Variants in MBTD1 observed in about 807,000 individuals in gnomAD.
The protein encoded by MBTD1 is mbt domain containing 1, also known as MBT domain-containing protein 1.
A neutral mutation model predicts 87.8 loss-of-function variants in MBTD1; 24 were observed. That is an observed-to-expected ratio of 0.27 (90% CI 0.20 to 0.38). MBTD1 has a LOEUF of 0.38. Among genes scored for constraint, MBTD1 ranks in the 10% least tolerant of loss-of-function variants. MBTD1 has a pLI of 1.00. For missense variants in MBTD1, 436 were observed against 760.2 expected, an observed-to-expected ratio of 0.57 and a Z score of 5.02; for synonymous variants, 237 against 248.6, an observed-to-expected ratio of 0.95 and a Z score of 0.44.
intron 2 of MBTD1, among the ~76,000 whole-genome samples, chr17:51,243,038 G>A (rs2054241768): frequency 2.0e-5 from 3 of 152,138 alleles, no homozygotes; most frequent in African/African-American, 7.2e-5. Flanking sequence ...GCGAACTTAT[G>A]TATCTGTGTG....
intron 2 of MBTD1, among the ~76,000 whole-genome samples, chr17:51,253,855 T>C (rs538487085): frequency 7.5e-4 from 114 of 152,294 alleles, no homozygotes; most frequent in Non-Finnish European, 1.3e-3. Context: ...ATTAACTTAT[T>C]GGTATAACCA....
At chr17:51,195,175 C>G in intron 13 of MBTD1, 39 bp downstream of exon 13, 1 of 1,576,034 alleles carries the variant, frequency 6.3e-7, no homozygotes, top group Non-Finnish European at 8.6e-7. Context: ...AAGAAGAAAG[C>G]AACAATTAAA....
At chr17:51,238,382 G>A (rs557492895) in intron 2 of MBTD1, among the ~76,000 whole-genome samples, 27 of 152,254 alleles carry the variant, frequency 1.8e-4, no homozygotes, top group African/African-American at 6.0e-4. Context: ...TAGAAGATAT[G>A]TTTCATTATA....
rs1172620920 is a variant in MBTD1 at position 51,179,480 on chromosome 17, A to C, written c.*1096T>G. 1.2e-5 allele frequency: 1 copy of C among 83,854 alleles called. No homozygotes were observed. The highest frequency in any genetic ancestry group is 1.4e-4 in the Admixed American group (1 of 7,136). 5.2% of individuals were successfully genotyped at this position (83,854 alleles called of 1,614,324 possible). ...ATAAATCCTGAATACAATTAAAGAC[A>C]ATTTTATATATATATATATATATAT... On this transcript the variant is annotated 3_prime_UTR_variant, in exon 17 of 17. Coordinates refer to ENST00000586178, the MANE Select transcript of MBTD1 (RefSeq NM_017643.3).
upstream of MBTD1, chr17:51,260,547 T>C (rs572245450): frequency 1.3e-6 from 2 of 1,584,386 alleles, no homozygotes; most frequent in Admixed American, 1.8e-5. Context: ...CGCAGCGAGG[T>C]TCCACGTGAG....
At chr17:51,259,798 C>A in intron 1 of MBTD1, 37 bp downstream of exon 1, 1 of 1,232,756 alleles carries the variant, frequency 8.1e-7, no homozygotes, top group Non-Finnish European at 1.0e-6. Flanking sequence ...GTCCCCCCCA[C>A]CTGGCACACA....
rs751278751 is a variant in MBTD1 at position 51,202,011 on chromosome 17, A to G, written c.1119+11T>C. The stretch of plus-strand genomic sequence containing the variant: ...AATTTACAAATGAGGGTTCTTATAA[A>G]AACTTCTTACCTTAGCAAATAAATG... On this transcript the variant is annotated intron_variant, in intron 11 of 16. Coordinates refer to ENST00000586178, the MANE Select transcript of MBTD1 (RefSeq NM_017643.3). 4 of 1,590,506 alleles carry G rather than the reference A, an allele frequency of 2.5e-6. No homozygotes were observed. The African/African-American group carries it at 5.4e-5, about 21-fold the overall frequency.
upstream of MBTD1, chr17:51,260,454 G>A (rs2055409137): frequency 3.0e-6 from 3 of 987,032 alleles, no homozygotes; most frequent in Non-Finnish European, 4.4e-6. Context: ...AGGGAGTGCT[G>A]GTCACGTGGC....
intron 2 of MBTD1, among the ~76,000 whole-genome samples, chr17:51,257,031 C>T (rs1368180472): frequency 6.6e-6 from 1 of 152,054 alleles, no homozygotes; most frequent in Non-Finnish European, 1.5e-5. Context: ...AAGAGAAATC[C>T]TAAATTTGCA....
At chr17:51,196,587 T>A (rs976645633) in intron 12 of MBTD1, among the ~76,000 whole-genome samples, 2 of 151,972 alleles carry the variant, frequency 1.3e-5, no homozygotes, top group African/African-American at 4.8e-5. Flanking sequence ...GTTTCCCAAT[T>A]TCCACTATAT....
chr17:51,233,060 CAAAAA>C (rs11457634), intron 2 of MBTD1, among the ~76,000 whole-genome samples: 2 of 40,494 alleles, frequency 4.9e-5, no homozygotes, highest in African/African-American at 9.8e-5. Context: ...CTTCCCTCAC[CAAAAA>C]AAAAAAAAAA....
chr17:51,188,256 G>C (rs1458661714), intron 16 of MBTD1, among the ~76,000 whole-genome samples: 1 of 152,184 alleles, frequency 6.6e-6, no homozygotes, highest in East Asian at 1.9e-4. Context: ...AAGGAAAAGA[G>C]GCTTTTGAGA....
chr17:51,217,657 G>A (rs985819763), intron 5 of MBTD1, among the ~76,000 whole-genome samples: 6 of 152,166 alleles, frequency 3.9e-5, no homozygotes, highest in Non-Finnish European at 7.3e-5. Context: ...CACCTAGGCT[G>A]GAGTGCAGTG....
intron 2 of MBTD1, chr17:51,256,437 C>T (rs2055093415): frequency 1.3e-5 from 2 of 152,164 alleles, no homozygotes; most frequent in Non-Finnish European, 2.9e-5. Context: ...TGGAGTGTTT[C>T]CCTAACCAAC....
intron 16 of MBTD1, among the ~76,000 whole-genome samples, chr17:51,191,311 G>C (rs944298864): frequency 7.0e-6 from 1 of 142,314 alleles, no homozygotes. Context: ...GCCCAGGCTA[G>C]AGTGCAATGG....
intron 11 of MBTD1, 141 bp downstream of exon 11, chr17:51,201,881 G>T: frequency 1.4e-6 from 1 of 705,654 alleles, no homozygotes; most frequent in Non-Finnish European, 2.4e-6. Context: ...ATAATAAAGA[G>T]TTGTGACACC....
chr17:51,246,918 G>C (rs549133726), intron 2 of MBTD1, among the ~76,000 whole-genome samples: 30 of 152,194 alleles, frequency 2.0e-4, no homozygotes, highest in Admixed American at 5.9e-4. Flanking sequence ...GGGATTACAG[G>C]TGTGAGTCAC....
intron 15 of MBTD1, 174 bp from the exon 16 acceptor site, chr17:51,192,454 A>G (rs1166729535): frequency 1.1e-5 from 7 of 625,932 alleles, no homozygotes; most frequent in Non-Finnish European, 2.7e-6. Context: ...AACATGAGAC[A>G]TTTTCCACTA....
chr17:51,187,866 G>GAAAAAAAAAAAA (rs71149350), intron 16 of MBTD1, among the ~76,000 whole-genome samples: 3 of 118,150 alleles, frequency 2.5e-5, no homozygotes, highest in Non-Finnish European at 3.5e-5. Context: ...AAGAAAGAAA[G>GAAAAAAAAAAAA]AAAAAAAAAA....
Sources: allele counts gnomAD v4.1 joint callset (sites outside exome capture counted in the v4.1 genomes callset), GRCh38; gene constraint gnomAD v4.1.1; transcripts MANE v1.5; gene names NCBI Gene and HGNC (gene_info 2026-07-23, HGNC 2026-07-21).